Variants in ST7 observed in about 807,000 individuals in gnomAD.
The protein encoded by ST7 is suppression of tumorigenicity 7, also known as suppressor of tumorigenicity 7 protein.
In ST7, 28 loss-of-function variants were observed where a neutral mutation model predicts 78.7. The observed-to-expected ratio is 0.36, with a 90% confidence interval of 0.26 to 0.49. The LOEUF is 0.49. Among genes scored for constraint, ST7 ranks in the 20% least tolerant of loss-of-function variants. The pLI is 0.99. For synonymous variants in ST7, 247 were observed against 249.6 expected, an observed-to-expected ratio of 0.99 and a Z score of 0.10; for missense variants, 418 against 696.0, an observed-to-expected ratio of 0.60 and a Z score of 4.49.
intron 1 of ST7, among the ~76,000 whole-genome samples, chr7:117,031,833 T>TGTGTGTATATATATG (rs1186668533): frequency 1.0e-5 from 1 of 96,784 alleles, no homozygotes; most frequent in African/African-American, 3.7e-5. Flanking sequence ...TATATCTATA[T>TGTGTGTATATATATG]CTATATCTAT....
chr7:117,047,768 C>A (rs1324032634), intron 1 of ST7, among the ~76,000 whole-genome samples: 1 of 152,018 alleles, frequency 6.6e-6, no homozygotes, highest in Non-Finnish European at 1.5e-5. Context: ...TAGAAATTGG[C>A]CTGAGAGGGC....
chr7:116,956,008 C>T (rs1322959543), intron 1 of ST7, among the ~76,000 whole-genome samples: 2 of 152,146 alleles, frequency 1.3e-5, no homozygotes, highest in East Asian at 3.9e-4. Flanking sequence ...AGAGAGCACT[C>T]ACCTCTCTGC....
chr7:116,996,372 C>T (rs138026388), intron 1 of ST7, among the ~76,000 whole-genome samples: 1,541 of 152,226 alleles, frequency 0.01, 13 homozygotes, highest in Middle Eastern at 0.027. Context: ...CCACTATGCC[C>T]GGCCAATTCC....
intron 6 of ST7, among the ~76,000 whole-genome samples, chr7:117,132,287 T>C (rs1804424720): frequency 6.6e-6 from 1 of 151,798 alleles, no homozygotes; most frequent in South Asian, 2.1e-4. Context: ...TTTCCAGATG[T>C]AGAATGCTCA....
intron 9 of ST7, among the ~76,000 whole-genome samples, chr7:117,168,758 A>G (rs760293577): frequency 1.3e-5 from 2 of 152,222 alleles, no homozygotes; most frequent in Non-Finnish European, 2.9e-5. Context: ...ATTTTTAAAG[A>G]TAGGGTAAAT....
chr7:117,094,487 C>A (rs1050847118), intron 1 of ST7, among the ~76,000 whole-genome samples: 1 of 152,166 alleles, frequency 6.6e-6, no homozygotes, highest in Admixed American at 6.5e-5. Context: ...TTTGCTTATC[C>A]GATGACTTGC....
intron 1 of ST7, among the ~76,000 whole-genome samples, chr7:117,018,337 C>T (rs1795714735): frequency 6.6e-6 from 1 of 152,170 alleles, no homozygotes; most frequent in African/African-American, 2.4e-5. Flanking sequence ...ATTATCCTTT[C>T]CCACTTCCTA....
At chr7:117,131,732 T>C (rs1489764717) in intron 5 of ST7, among the ~76,000 whole-genome samples, 153 bp from the exon 6 acceptor site, 1 of 151,950 alleles carries the variant, frequency 6.6e-6, no homozygotes, top group East Asian at 1.9e-4. Context: ...ATTAATACAC[T>C]AATATGACTT....
intron 1 of ST7, among the ~76,000 whole-genome samples, chr7:117,024,627 A>T (rs1032664290): frequency 9.2e-5 from 14 of 152,324 alleles, no homozygotes; most frequent in African/African-American, 3.1e-4. Context: ...TAAAAAGAAC[A>T]TCTAGAGCAT....
At chr7:116,989,708 A>G (rs1263618645) in intron 1 of ST7, among the ~76,000 whole-genome samples, 1 of 152,036 alleles carries the variant, frequency 6.6e-6, no homozygotes, top group African/African-American at 2.4e-5. Context: ...GCATGGTGAC[A>G]TGTACCTGTA....
chr7:117,159,999 C>T (rs1248107491), intron 9 of ST7, among the ~76,000 whole-genome samples: 2 of 151,910 alleles, frequency 1.3e-5, no homozygotes, highest in Admixed American at 1.3e-4. Context: ...ATCAGGAGTT[C>T]GAGACCATCC....
Position 117,190,976 on chromosome 7 carries a change from C to T in ST7, c.1254+40C>T. On this transcript the variant is annotated intron_variant, in intron 12 of 15. Transcript: ENST00000323984. The surrounding 1 kb of genome is among the most constrained non-coding windows in gnomAD (Gnocchi z 5.2). ...TCCCCACAGGAACTCGTTATGATAG[C>T]AGAGAAAGCATTCATTGACCACAGT... 6.7e-7 allele frequency: 1 copy of T among 1,494,568 alleles called. No individual in the cohort carries two copies. The highest frequency in any genetic ancestry group is 9.3e-7 in the Non-Finnish European group (1 of 1,071,554). The allele number at this position is 1,494,568 out of a possible 1,614,324, so 92.6% of individuals were successfully genotyped here. A position where few individuals can be genotyped will look rare whatever the true frequency, so the allele number is the denominator to read the frequency against.
intron 3 of ST7, among the ~76,000 whole-genome samples, chr7:117,121,260 A>C (rs1803342583): frequency 6.6e-6 from 1 of 152,192 alleles, no homozygotes; most frequent in Admixed American, 6.5e-5. Flanking sequence ...AGCTGGATAA[A>C]GTAATGTTTT....
chr7:117,022,092 C>T (rs1052268853), intron 1 of ST7, among the ~76,000 whole-genome samples: 1 of 152,160 alleles, frequency 6.6e-6, no homozygotes, highest in Non-Finnish European at 1.5e-5. Context: ...ATTGTCTGCT[C>T]AGTGTTACCA....
intron 1 of ST7, 30 bp from the exon 2 acceptor site, chr7:117,099,732 T>G (rs779872873): frequency 6.4e-7 from 1 of 1,565,602 alleles, no homozygotes; most frequent in Admixed American, 1.7e-5. Context: ...TTCCTTGTTC[T>G]TCTCCCTTTC....
chr7:117,077,382 T>G (rs1799428400), intron 1 of ST7, among the ~76,000 whole-genome samples: 1 of 152,238 alleles, frequency 6.6e-6, no homozygotes, highest in Non-Finnish European at 1.5e-5. Flanking sequence ...AGAATTTATC[T>G]GCCTCCTGTC....
At chr7:117,216,803 C>T (rs1792723183) in intron 13 of ST7, among the ~76,000 whole-genome samples, 1 of 140,472 alleles carries the variant, frequency 7.1e-6, no homozygotes, top group African/African-American at 2.7e-5. Flanking sequence ...TGGCAACTGA[C>T]ATGAGAGAGA....
intron 1 of ST7, among the ~76,000 whole-genome samples, chr7:117,019,368 A>T (rs1369755023): frequency 6.6e-6 from 1 of 152,198 alleles, no homozygotes; most frequent in Non-Finnish European, 1.5e-5. Flanking sequence ...ATGGTAACAC[A>T]GGAAGACATT....
At position 117,203,602 on chromosome 7, in the gene ST7, A is replaced by G. The variant is rs540449129; in HGVS notation, c.1255-6185A>G. Among the ~76,000 whole-genome samples, 3 of 152,032 alleles carry G rather than the reference A, an allele frequency of 2.0e-5. No homozygotes were observed. The East Asian group carries it at 5.8e-4, about 29-fold the overall frequency. ...TTTAATTAGTAAAATTGATGTTTTCATTTTTCTGTGAAGCTTCTCAGACAC... is the reference window on the plus strand; with the variant it reads ...TTTAATTAGTAAAATTGATGTTTTCGTTTTTCTGTGAAGCTTCTCAGACAC... On this transcript the variant is annotated intron_variant, in intron 12 of 15. Coordinates refer to ENST00000323984, the MANE Select transcript of ST7 (RefSeq NM_001369598.1).
Sources: gnomAD v4.1 joint callset for allele counts (sites outside exome capture counted in the v4.1 genomes callset) on GRCh38, gnomAD v4.1.1 for gene constraint, Gnocchi (gnomAD v3.1) non-coding constraint, MANE v1.5 for transcripts, NCBI Gene and HGNC (gene_info 2026-07-23, HGNC 2026-07-21) for gene names.